ABCA5: variants seen among roughly 807,000 people sequenced by gnomAD.
The protein encoded by ABCA5 is cholesterol transporter ABCA5.
In ABCA5, 163 loss-of-function variants were observed where a neutral mutation model predicts 206.0. That is an observed-to-expected ratio of 0.79 (90% CI 0.70 to 0.90). The LOEUF is 0.90. ABCA5 is among the 40% of genes least tolerant of loss of function. The pLI is 0.00. For synonymous variants in ABCA5, 609 were observed against 613.8 expected, an observed-to-expected ratio of 0.99 and a Z score of 0.11; for missense variants, 1,859 against 1,912.9, an observed-to-expected ratio of 0.97 and a Z score of 0.53.
At chr17:69,283,593 T>G (rs1202253540) in intron 18 of ABCA5, among the ~76,000 whole-genome samples, 1 of 152,164 alleles carries the variant, frequency 6.6e-6, no homozygotes, top group African/African-American at 2.4e-5. Context: ...ATGGTAGCCT[T>G]TTTTTATCCC....
chr17:69,300,665 A>G (rs2075642822), intron 9 of ABCA5, among the ~76,000 whole-genome samples: 1 of 152,228 alleles, frequency 6.6e-6, no homozygotes. Context: ...CATACAGGAC[A>G]GTACAGGTGT....
In ABCA5 at chr17:69,298,316, G is replaced by GAGGAAGGA. The variant is rs71144670; in HGVS notation, c.1268-965_1268-958dup. On this transcript the variant is annotated intron_variant, in intron 9 of 38. Transcript: ENST00000392676. The stretch of plus-strand genomic sequence containing the variant: ...GGGGAAAGAGAAAGAAAGAGAGAGA[G>GAGGAAGGA]AGGAAGGAAGGAAGGAAGGAAGGAA... Among the ~76,000 whole-genome samples the GAGGAAGGA allele has an allele frequency of 1.7e-3, 72 of 42,100 alleles. 4 individuals carry two copies. The highest frequency in any genetic ancestry group is 3.3e-3 in the African/African-American group (52 of 15,912). The allele number at this position is 42,100 out of a possible 152,430, so 27.6% of individuals were successfully genotyped here. A position where few individuals can be genotyped will look rare whatever the true frequency, so the allele number is the denominator to read the frequency against.
chr17:69,298,742 T>C (rs1404456313), intron 9 of ABCA5, among the ~76,000 whole-genome samples: 1 of 152,010 alleles, frequency 6.6e-6, no homozygotes, highest in African/African-American at 2.4e-5. Context: ...CCATAAAAAT[T>C]TGAGACGATA....
intron 18 of ABCA5, among the ~76,000 whole-genome samples, chr17:69,279,184 A>G (rs937026074): frequency 1.3e-5 from 2 of 152,364 alleles, no homozygotes; most frequent in African/African-American, 4.8e-5. Context: ...CAACTTCAGC[A>G]AAGTCTCAGG....
At chr17:69,309,789 A>G (rs918105271) in intron 3 of ABCA5, among the ~76,000 whole-genome samples, 10 of 152,128 alleles carry the variant, frequency 6.6e-5, no homozygotes, top group East Asian at 1.9e-4. Context: ...GCAGTGAGCC[A>G]TAACTGAGCA....
At chr17:69,301,030 T>C in intron 9 of ABCA5, 109 bp downstream of exon 9, 1 of 962,146 alleles carries the variant, frequency 1.0e-6, no homozygotes, top group South Asian at 2.4e-5. Flanking sequence ...ACAATGAATA[T>C]GACTTAGGGT....
chr17:69,269,757 C>T (rs975244070), intron 22 of ABCA5, among the ~76,000 whole-genome samples: 2 of 152,068 alleles, frequency 1.3e-5, no homozygotes. Flanking sequence ...AGCACTGATA[C>T]GTGTTACAAA....
chr17:69,291,376 C>A, intron 11 of ABCA5, 50 bp from the exon 12 acceptor site: 2 of 1,149,468 alleles, frequency 1.7e-6, no homozygotes, highest in Non-Finnish European at 2.6e-6. Context: ...GTCTGTTCAG[C>A]TATGCATGAT....
intron 11 of ABCA5, among the ~76,000 whole-genome samples, chr17:69,292,331 T>A (rs1222816737): frequency 6.6e-6 from 1 of 152,220 alleles, no homozygotes; most frequent in Non-Finnish European, 1.5e-5. Flanking sequence ...ATATGTCTTT[T>A]ACATTTTTGT....
chr17:69,308,309 G>C lies in ABCA5; in HGVS notation c.529C>G (p.Gln177Glu). Residue 177 changes from glutamine (Q) to glutamate (E), a missense_variant, in exon 5 of 39, where the codon CAA (glutamine) becomes GAA (glutamate). Physicochemically the swap from Gln to Glu is conservative, Grantham distance 29. Transcript: ENST00000392676. The stretch of plus-strand genomic sequence containing the variant: ...ATAATGGCAGCATCTATGGATGCTT[G>C]TAAAACTGTGAAACCTGAGGACCAG... ...QYWSSGFTVLQASIDAAIIQL... is the reference protein window; with the variant it reads ...QYWSSGFTVLEASIDAAIIQL... 1 of 1,611,160 alleles carries C rather than the reference G, an allele frequency of 6.2e-7. No individual in the cohort carries two copies. Among genetic ancestry groups the C allele is most frequent in the Non-Finnish European group, 8.5e-7 (1 of 1,177,928 alleles).
chr17:69,291,199 TAA>T lies in ABCA5; in HGVS notation c.1606+15_1606+16del. The T allele has an allele frequency of 6.5e-7, 1 of 1,528,302 alleles. No homozygotes were observed. The allele number at this position is 1,528,302 out of a possible 1,614,324, so 94.7% of individuals were successfully genotyped here. ...ATATATAATGAAGTTTTTTTTTCTT[TAA>T]GACAGAAAACTCACCATCAGAAGGT... On this transcript the variant is annotated intron_variant, in intron 12 of 38. Transcript: ENST00000392676.
chr17:69,293,833 GGTGTGTGT>G (rs61315865), intron 11 of ABCA5, among the ~76,000 whole-genome samples: 25 of 123,818 alleles, frequency 2.0e-4, no homozygotes, highest in African/African-American at 6.6e-4. Context: ...CAATCATACT[GGTGTGTGT>G]GTGTGTGTGT....
At chr17:69,308,825 T>C (rs1398570703) in intron 4 of ABCA5, among the ~76,000 whole-genome samples, 1 of 152,162 alleles carries the variant, frequency 6.6e-6, no homozygotes. Flanking sequence ...TAAATGTTTG[T>C]GGTTGATAAT....
chr17:69,254,132 T>C, intron 32 of ABCA5, among the ~76,000 whole-genome samples, 183 bp downstream of exon 32: 1 of 152,338 alleles, frequency 6.6e-6, no homozygotes, highest in Non-Finnish European at 1.5e-5. Context: ...ATGACCTTTT[T>C]ATAACTATCA....
intron 37 of ABCA5, chr17:69,248,552 A>G (rs1598142715): frequency 3.4e-6 from 1 of 293,496 alleles, no homozygotes; most frequent in Non-Finnish European, 6.5e-6. Flanking sequence ...ACTTTTTCTA[A>G]GTTCTCCTCC....
chr17:69,279,297 A>G (rs2075365615), intron 18 of ABCA5, among the ~76,000 whole-genome samples: 2 of 152,126 alleles, frequency 1.3e-5, no homozygotes, highest in Admixed American at 1.3e-4. Flanking sequence ...TTCAAAGAGA[A>G]TAAAATACCT....
chr17:69,306,432 A>C (rs2075717500), intron 6 of ABCA5, among the ~76,000 whole-genome samples: 1 of 152,122 alleles, frequency 6.6e-6, no homozygotes, highest in Non-Finnish European at 1.5e-5. Flanking sequence ...AGTATATTGA[A>C]ATACACTGAA....
In ABCA5 at chr17:69,264,762, A is replaced by G. The variant is rs775357270; in HGVS notation, c.3288T>C (p.Tyr1096=). 1.3e-6 allele frequency: 2 copies of G among 1,582,422 alleles called. No individual in the cohort carries two copies. The highest frequency in any genetic ancestry group is 2.4e-5 in the South Asian group (2 of 83,688). The change falls in exon 24 of 39, where the codon TAT becomes TAC. Residue 1096 remains tyrosine (Y), a synonymous_variant. Transcript: ENST00000392676. ...CAGCAAGGAACTTTACAGTATAAAA[A>G]TATAATCCATAATGAAATGCCAATA... is the stretch of plus-strand genomic sequence containing the variant. ...GSLLAFHYGL[Y]FYTVKFLAVV...
In ABCA5 at chr17:69,261,221, G is replaced by C. The variant is rs2075143305; in HGVS notation, c.3468C>G (p.Phe1156Leu). Residue 1156 changes from phenylalanine to leucine, a missense_variant, in exon 26 of 39, where the codon TTC becomes TTG. Coordinates refer to ENST00000392676, the MANE Select transcript of ABCA5 (RefSeq NM_172232.4). Reference protein sequence around the residue: ...LACIAITEITFFMGYTIATIL... With the variant: ...LACIAITEITLFMGYTIATIL... Reference sequence around the variant, plus strand: ...TAGTTGCAATTGTGTATCCCATAAAGAAAGTTATTTCAGTGATTGCAATAC... The same window carrying C: ...TAGTTGCAATTGTGTATCCCATAAACAAAGTTATTTCAGTGATTGCAATAC... 3 of 1,608,036 alleles carry C rather than the reference G, an allele frequency of 1.9e-6. No individual in the cohort carries two copies. Among genetic ancestry groups the C allele is most frequent in the Non-Finnish European group, 2.5e-6 (3 of 1,177,182 alleles).
Sources: allele counts gnomAD v4.1 joint callset (sites outside exome capture counted in the v4.1 genomes callset), GRCh38; gene constraint gnomAD v4.1.1; transcripts MANE v1.5; gene names NCBI Gene and HGNC (gene_info 2026-07-23, HGNC 2026-07-21).